Variants in SKIL observed in about 807,000 individuals in gnomAD.
SKIL encodes the protein ski-like protein.
Under a neutral mutation model 69.6 loss-of-function variants are expected in SKIL, and 20 were observed. The ratio of observed to expected loss-of-function variants is 0.29; its 90% CI spans 0.20 to 0.42. SKIL has a LOEUF of 0.42. SKIL is among the 10% of genes least tolerant of loss of function. The pLI is 1.00. For missense variants in SKIL, 745 were observed against 783.1 expected (o/e 0.95, Z 0.58); for synonymous variants, 310 against 279.9 (o/e 1.11, Z -1.08).
At position 170,378,286 on chromosome 3, in the gene SKIL, T is replaced by A. The variant is rs568803056; in HGVS notation, c.1099-2958T>A. Reference sequence around the variant, plus strand: ...CGGTTTCCTTTCTGTTTTCAGCCTGTTTTGTTGAGGGCAGTGGGTTACTTG... The same window carrying A: ...CGGTTTCCTTTCTGTTTTCAGCCTGATTTGTTGAGGGCAGTGGGTTACTTG... On this transcript the variant is annotated intron_variant, in intron 2 of 6. Coordinates refer to ENST00000259119, the MANE Select transcript of SKIL (RefSeq NM_005414.5). 8.5e-5 allele frequency among the ~76,000 whole-genome samples: 13 copies of A among 152,346 alleles called. No homozygotes were observed. The South Asian group carries it at 2.5e-3, about 29-fold the overall frequency.
chr3:170,396,211 G>A lies in SKIL; in HGVS notation c.*3794G>A, dbSNP rs866963780. ...TGTATTAAATTAGTTTAATGTAAAAGGAATTTATAAGATTTTTTTCCTCAA... is the reference window on the plus strand; with the variant it reads ...TGTATTAAATTAGTTTAATGTAAAAAGAATTTATAAGATTTTTTTCCTCAA... On this transcript the variant is annotated 3_prime_UTR_variant, in exon 7 of 7. Transcript: ENST00000259119. 3 of 152,000 alleles carry A rather than the reference G, an allele frequency of 2.0e-5. No homozygotes were observed. Among genetic ancestry groups the A allele is most frequent in the Middle Eastern group, 3.4e-3 (1 of 294 alleles). 9.4% of individuals were successfully genotyped at this position (152,000 alleles called of 1,614,324 possible). A position where few individuals can be genotyped will look rare whatever the true frequency, so the allele number is the denominator to read the frequency against.
chr3:170,391,012 G>A, intron 5 of SKIL, 24 bp from the exon 6 acceptor site: 1 of 1,246,114 alleles, frequency 8.0e-7, no homozygotes, highest in Non-Finnish European at 1.2e-6. Context: ...AGTAAAACTT[G>A]TATTGTGATT....
At chr3:170,365,165 CAA>C (rs199813835) in intron 2 of SKIL, among the ~76,000 whole-genome samples, 2,643 of 152,240 alleles carry the variant, frequency 0.017, 54 homozygotes, top group East Asian at 0.093. Flanking sequence ...AGGTGAATGA[CAA>C]TATTTCCACC....
intron 2 of SKIL, among the ~76,000 whole-genome samples, chr3:170,362,675 C>A (rs986418636): frequency 4.6e-5 from 7 of 151,298 alleles, no homozygotes; most frequent in African/African-American, 1.7e-4. Context: ...ATTAGCCAGG[C>A]ATGGTGGTGT....
chr3:170,371,485 C>A (rs1184096047), intron 2 of SKIL, among the ~76,000 whole-genome samples: 8 of 152,104 alleles, frequency 5.3e-5, no homozygotes, highest in African/African-American at 1.9e-4. Flanking sequence ...CCAGCCTGGG[C>A]AACAGAGTGA....
intron 2 of SKIL, among the ~76,000 whole-genome samples, chr3:170,375,973 G>A (rs1737011767): frequency 6.6e-6 from 1 of 151,646 alleles, no homozygotes; most frequent in Non-Finnish European, 1.5e-5. Flanking sequence ...TATTTAAAGA[G>A]GAGCTTTCTT....
chr3:170,373,643 T>C (rs940465775), intron 2 of SKIL, among the ~76,000 whole-genome samples: 1 of 152,166 alleles, frequency 6.6e-6, no homozygotes, highest in South Asian at 2.1e-4. Flanking sequence ...AATTAAAAAT[T>C]AGAGTGCCAC....
Position 170,390,403 on chromosome 3 carries a change from C to T in SKIL, c.1610C>T (p.Thr537Ile). 2 of 1,612,774 alleles carry T rather than the reference C, an allele frequency of 1.2e-6. No homozygotes were observed. The highest frequency in any genetic ancestry group is 1.1e-5 in the South Asian group (1 of 91,050). ...KGKIMEEVMR[T>I]YLKQQEKLNL... is the part of the protein sequence containing the mutation. ...AAAATCATGGAAGAAGTAATGAGAA[C>T]TTATTTAAAACAACAGGAAAAACTA... Residue 537 changes from threonine to isoleucine, a missense_variant, in exon 5 of 7, where the codon ACT becomes ATT. Physicochemically the swap from Thr to Ile is moderately conservative, Grantham distance 89. Transcript: ENST00000259119.
chr3:170,381,653 G>A (rs1008546640), intron 3 of SKIL, among the ~76,000 whole-genome samples: 14 of 151,202 alleles, frequency 9.3e-5, no homozygotes, highest in Non-Finnish European at 1.6e-4. Context: ...GGCTGGTCTC[G>A]AACTCCTGAC....
Position 170,361,744 on chromosome 3 carries a change from T to C in SKIL, c.1098+315T>C, listed in dbSNP as rs1449925680. ...AGGGAGTGGAGGAGTTAGGGCTTCT[T>C]TTTTTTTTTTTTTTGTGCTTTTAGT... On this transcript the variant is annotated intron_variant, in intron 2 of 6. Coordinates refer to ENST00000259119, the MANE Select transcript of SKIL (RefSeq NM_005414.5). Among the ~76,000 whole-genome samples the C allele has an allele frequency of 1.7e-3, 21 of 12,072 alleles. No homozygotes were observed. The East Asian group carries it at 0.074, about 43-fold the overall frequency. The allele number at this position is 12,072 out of a possible 152,430, so 7.9% of individuals were successfully genotyped here. A position where few individuals can be genotyped will look rare whatever the true frequency, so the allele number is the denominator to read the frequency against.
chr3:170,381,372 A>G (rs762966769), intron 3 of SKIL, 31 bp downstream of exon 3: 1 of 1,028,974 alleles, frequency 9.7e-7, no homozygotes, highest in Non-Finnish European at 1.5e-6. Flanking sequence ...TCGTTTGTTC[A>G]TTCATTTCTT....
intron 2 of SKIL, among the ~76,000 whole-genome samples, chr3:170,370,507 C>T (rs1019477837): frequency 8.5e-6 from 1 of 116,988 alleles, no homozygotes; most frequent in African/African-American, 3.3e-5. Context: ...TTACAGTCTT[C>T]GAATCTAGAA....
In SKIL at chr3:170,375,459, G is replaced by C. The variant is rs541812540; in HGVS notation, c.1099-5785G>C. On this transcript the variant is annotated intron_variant, in intron 2 of 6. Transcript: ENST00000259119. The stretch of plus-strand genomic sequence containing the variant: ...TGATCAAAATTGAGTCAGATTTCAA[G>C]TCAAGGTCTTTGAGCAAATTTAGAA... Among the ~76,000 whole-genome samples, 282 of 152,348 alleles carry C rather than the reference G, an allele frequency of 1.9e-3. 1 individual carries two copies. The highest frequency in any genetic ancestry group is 6.5e-3 in the African/African-American group (270 of 41,588).
chr3:170,364,883 G>T (rs1379852454), intron 2 of SKIL, among the ~76,000 whole-genome samples: 1 of 152,032 alleles, frequency 6.6e-6, no homozygotes, highest in South Asian at 2.1e-4. Flanking sequence ...GAAGGTGTGA[G>T]TTTCTTTCTG....
Position 170,361,173 on chromosome 3 carries a change from A to G in SKIL, c.842A>G (p.Tyr281Cys). 6.2e-7 allele frequency: 1 copy of G among 1,614,206 alleles called. No individual in the cohort carries two copies. The highest frequency in any genetic ancestry group is 1.3e-5 in the African/African-American group (1 of 75,054). The change falls in exon 2 of 7, where the codon TAT becomes TGT. Residue 281 changes from tyrosine to cysteine, a missense_variant. Transcript: ENST00000259119. ...CAGGGTTTATTTGCACCCCAGTTTT[A>G]TGTTCAGCCTGATGCTCCGTGTATT... is the stretch of plus-strand genomic sequence containing the variant. Reference protein sequence around the residue: ...KCQGLFAPQFYVQPDAPCIQC... With the variant: ...KCQGLFAPQFCVQPDAPCIQC...
chr3:170,385,011 T>G, intron 4 of SKIL: 1 of 271,572 alleles, frequency 3.7e-6, no homozygotes, highest in Non-Finnish European at 6.9e-6. Flanking sequence ...CAAGTTATTT[T>G]TGTCCGAATT....
chr3:170,384,593 A>T lies in SKIL; in HGVS notation c.1257A>T (p.Val419=), dbSNP rs1737523755. The T allele has an allele frequency of 6.2e-7, 1 of 1,613,190 alleles. No homozygotes were observed. The highest frequency in any genetic ancestry group is 1.3e-5 in the African/African-American group (1 of 74,904). The change falls in exon 4 of 7, where the codon GTA becomes GTT. Residue 419 remains valine, a synonymous_variant. Coordinates refer to ENST00000259119, the MANE Select transcript of SKIL (RefSeq NM_005414.5). ...VAPNVSLTSA[V]SQSKELTKTE... ...CAAATGTGTCACTTACTTCTGCTGT[A>T]TCCCAGTCTAAAGAGCTCACAAAGA...
At chr3:170,358,744 C>T (rs1736067588) in intron 1 of SKIL, 1 of 152,122 alleles carries the variant, frequency 6.6e-6, no homozygotes, top group Non-Finnish European at 1.5e-5. Flanking sequence ...TTTTCTTTTT[C>T]CCTCTTCCTC....
intron 2 of SKIL, among the ~76,000 whole-genome samples, chr3:170,374,201 TA>T (rs1736921038): frequency 6.6e-6 from 1 of 152,320 alleles, no homozygotes; most frequent in African/African-American, 2.4e-5. Flanking sequence ...TATATTTTTT[TA>T]CTGTATATTT....
Sources: gnomAD v4.1 joint callset for allele counts (sites outside exome capture counted in the v4.1 genomes callset) on GRCh38, gnomAD v4.1.1 for gene constraint, MANE v1.5 for transcripts, NCBI Gene and HGNC (gene_info 2026-07-23, HGNC 2026-07-21) for gene names.